The following KDM4C variants were observed in gnomAD, a reference collection of about 807,000 sequenced individuals.
KDM4C encodes lysine-specific demethylase 4C.
Under a neutral mutation model 129.3 loss-of-function variants are expected in KDM4C, and 81 were observed. That is an observed-to-expected ratio of 0.63 (90% CI 0.52 to 0.75). KDM4C has a LOEUF of 0.75. KDM4C is among the 30% of genes least tolerant of loss of function. KDM4C has a pLI of 0.00. For missense variants in KDM4C, 1,457 were observed against 1,304.0 expected (o/e 1.12, Z -1.81); for synonymous variants, 573 against 456.1 (o/e 1.26, Z -3.26).
chr9:7,085,013 C>G (rs892524147), intron 17 of KDM4C, among the ~76,000 whole-genome samples: 1 of 152,174 alleles, frequency 6.6e-6, no homozygotes, highest in Non-Finnish European at 1.5e-5. Flanking sequence ...CATTTAAGAA[C>G]TAAAAGATCA....
At chr9:6,919,767 G>T (rs1280489926) in intron 8 of KDM4C, among the ~76,000 whole-genome samples, 1 of 151,924 alleles carries the variant, frequency 6.6e-6, no homozygotes, top group Non-Finnish European at 1.5e-5. Flanking sequence ...TAGAGATGGG[G>T]TTTAACCATG....
intron 13 of KDM4C, among the ~76,000 whole-genome samples, chr9:7,013,431 C>T (rs887550299): frequency 1.4e-4 from 22 of 152,232 alleles, no homozygotes; most frequent in Admixed American, 3.9e-4. Flanking sequence ...TCAAGTGTAG[C>T]AAGGTATGAT....
At chr9:6,826,140 T>C (rs1833829989) in intron 4 of KDM4C, among the ~76,000 whole-genome samples, 1 of 152,098 alleles carries the variant, frequency 6.6e-6, no homozygotes. Flanking sequence ...CAAAAAAATA[T>C]AAATGTTTTA....
chr9:6,982,311 A>G (rs1276700900), intron 9 of KDM4C: 1 of 152,140 alleles, frequency 6.6e-6, no homozygotes, highest in Non-Finnish European at 1.5e-5. Flanking sequence ...GCATCTTATA[A>G]GAGGTAGACC....
At chr9:7,058,537 A>C (rs1422893375) in intron 17 of KDM4C, among the ~76,000 whole-genome samples, 1 of 152,204 alleles carries the variant, frequency 6.6e-6, no homozygotes, top group Non-Finnish European at 1.5e-5. Flanking sequence ...AGCTTGCTGC[A>C]GCTCACTGTT....
chr9:6,836,233 C>G (rs1456043453), intron 4 of KDM4C, among the ~76,000 whole-genome samples: 1 of 152,074 alleles, frequency 6.6e-6, no homozygotes, highest in African/African-American at 2.4e-5. Context: ...GGGCGGATCA[C>G]CTGAGGTCAG....
rs1827844691 is a variant in KDM4C at position 7,037,413 on chromosome 9, GAAC to G, written c.2260-9445_2260-9443del. On this transcript the variant is annotated intron_variant, in intron 15 of 21. Transcript: ENST00000381309. ...ATGATTTCCCTCGGCTGCAAATAAT[GAAC>G]AACTGTGACAGCCATATTACAACAA... is the stretch of plus-strand genomic sequence containing the variant. Among the ~76,000 whole-genome samples the G allele has an allele frequency of 2.0e-5, 3 of 152,132 alleles. No homozygotes were observed. In the South Asian group the frequency reaches 6.2e-4, roughly 31 times the overall value.
At chr9:6,924,540 T>A (rs1170456844) in intron 8 of KDM4C, among the ~76,000 whole-genome samples, 1 of 152,208 alleles carries the variant, frequency 6.6e-6, no homozygotes, top group Non-Finnish European at 1.5e-5. Context: ...AGGACTAGAT[T>A]ATTGACACCT....
chr9:6,783,723 G>T (rs980598303), intron 1 of KDM4C, among the ~76,000 whole-genome samples: 6 of 152,170 alleles, frequency 3.9e-5, no homozygotes, highest in African/African-American at 1.4e-4. Context: ...GGCTTTTCTG[G>T]TTTCAGAGGC....
intron 6 of KDM4C, among the ~76,000 whole-genome samples, chr9:6,884,053 A>G (rs1032126912): frequency 6.6e-6 from 1 of 152,180 alleles, no homozygotes; most frequent in Non-Finnish European, 1.5e-5. Context: ...TGTCTAGGAG[A>G]TTAAAACAAG....
intron 15 of KDM4C, among the ~76,000 whole-genome samples, chr9:7,022,886 C>T (rs1825127645): frequency 6.6e-6 from 1 of 152,132 alleles, no homozygotes; most frequent in Non-Finnish European, 1.5e-5. Context: ...AATGCTTTTT[C>T]AGCATCAATT....
chr9:6,905,679 G>A (rs1488074778), intron 8 of KDM4C, among the ~76,000 whole-genome samples: 1 of 152,180 alleles, frequency 6.6e-6, no homozygotes. Context: ...TATCTTAAAT[G>A]GCATTTCTAT....
intron 1 of KDM4C, among the ~76,000 whole-genome samples, chr9:6,792,259 C>T (rs1826803121): frequency 6.6e-6 from 1 of 152,040 alleles, no homozygotes; most frequent in African/African-American, 2.4e-5. Context: ...AGGAAAATCG[C>T]TTGAACCTGG....
At chr9:6,864,686 A>C (rs1204900328) in intron 5 of KDM4C, among the ~76,000 whole-genome samples, 1 of 151,250 alleles carries the variant, frequency 6.6e-6, no homozygotes, top group Non-Finnish European at 1.5e-5. Context: ...AGTTTTGGAA[A>C]GTTTTCTGTT....
intron 16 of KDM4C, among the ~76,000 whole-genome samples, chr9:7,048,729 C>A (rs915963781): frequency 3.9e-5 from 6 of 152,052 alleles, no homozygotes; most frequent in African/African-American, 1.4e-4. Flanking sequence ...TAATCTTTTG[C>A]CACATATTGA....
intron 20 of KDM4C, among the ~76,000 whole-genome samples, chr9:7,168,094 A>G (rs529228524): frequency 6.6e-6 from 1 of 152,324 alleles, no homozygotes; most frequent in African/African-American, 2.4e-5. Context: ...AGGCTGAGGC[A>G]GAAGAATCAC....
At chr9:7,053,391 T>C (rs1830474120) in intron 17 of KDM4C, among the ~76,000 whole-genome samples, 1 of 152,172 alleles carries the variant, frequency 6.6e-6, no homozygotes, top group South Asian at 2.1e-4. Context: ...TCCTCTTATG[T>C]ATAATGGCCA....
intron 4 of KDM4C, among the ~76,000 whole-genome samples, chr9:6,821,141 T>A (rs940440820): frequency 6.6e-6 from 1 of 152,214 alleles, no homozygotes; most frequent in Non-Finnish European, 1.5e-5. Context: ...TTGGGTTGGT[T>A]CCAAGTCTTT....
At chr9:7,088,250 C>T (rs531461904) in intron 17 of KDM4C, among the ~76,000 whole-genome samples, 3 of 152,258 alleles carry the variant, frequency 2.0e-5, no homozygotes, top group South Asian at 2.1e-4. Context: ...CAAAAGTACT[C>T]GTTGATATGA....
Sources: gnomAD v4.1 joint callset for allele counts (sites outside exome capture counted in the v4.1 genomes callset) on GRCh38, gnomAD v4.1.1 for gene constraint, MANE v1.5 for transcripts, NCBI Gene and HGNC (gene_info 2026-07-23, HGNC 2026-07-21) for gene names.